Variants in KCTD9 observed in about 807,000 individuals in gnomAD.
KCTD9 encodes potassium channel tetramerization domain containing 9.
Under a neutral mutation model 53.3 loss-of-function variants are expected in KCTD9, and 17 were observed. The observed-to-expected ratio is 0.32, with a 90% confidence interval of 0.22 to 0.48. The LOEUF (loss-of-function observed/expected upper bound fraction) is 0.48, where lower values mean the gene tolerates loss of function less well. Among genes scored for constraint, KCTD9 ranks in the 20% least tolerant of loss-of-function variants. The probability of loss-of-function intolerance (pLI) is 0.99; values close to 1 mark genes in which losing one functional copy is unlikely to be tolerated. For missense variants in KCTD9, 179 were observed against 465.5 expected, an observed-to-expected ratio of 0.38 and a Z score of 5.66; for synonymous variants, 128 against 162.7, an observed-to-expected ratio of 0.79 and a Z score of 1.62.
intron 2 of KCTD9, among the ~76,000 whole-genome samples, 172 bp from the exon 3 acceptor site, chr8:25,444,507 G>A (rs1157275569): frequency 6.6e-6 from 1 of 152,018 alleles, no homozygotes; most frequent in Non-Finnish European, 1.5e-5. Context: ...GAACTTAACT[G>A]TCTTTGAATT....
At chr8:25,451,164 T>A (rs1225751067) in intron 1 of KCTD9, among the ~76,000 whole-genome samples, 5 of 152,224 alleles carry the variant, frequency 3.3e-5, no homozygotes. Flanking sequence ...AAAGGAGTTA[T>A]GTTGCAATAC....
intron 9 of KCTD9, among the ~76,000 whole-genome samples, 189 bp downstream of exon 9, chr8:25,435,174 G>T (rs1801995455): frequency 6.6e-6 from 1 of 152,110 alleles, no homozygotes; most frequent in South Asian, 2.1e-4. Context: ...TTTAATAAAG[G>T]ATATCAAACC....
At chr8:25,440,849 TCC>T (rs763048884) in intron 3 of KCTD9, among the ~76,000 whole-genome samples, 176 bp from the exon 4 acceptor site, 20 of 152,314 alleles carry the variant, frequency 1.3e-4, no homozygotes, top group Non-Finnish European at 2.5e-4. Flanking sequence ...GATAAGGTAG[TCC>T]CACCAATACC....
At chr8:25,435,557 T>C in intron 8 of KCTD9, 45 bp from the exon 9 acceptor site, 1 of 1,540,368 alleles carries the variant, frequency 6.5e-7, no homozygotes, top group Non-Finnish European at 8.7e-7. Flanking sequence ...AAATCGTCTG[T>C]TTGTATTAAA....
In KCTD9 at chr8:25,458,393, C is replaced by A; in HGVS notation, c.-147G>T. 4 of 850,072 alleles carry A rather than the reference C, an allele frequency of 4.7e-6. No individual in the cohort carries two copies. Among genetic ancestry groups the A allele is most frequent in the Non-Finnish European group, 7.6e-6 (4 of 523,600 alleles). 52.7% of individuals were successfully genotyped at this position (850,072 alleles called of 1,614,324 possible). A position where few individuals can be genotyped will look rare whatever the true frequency, so the allele number is the denominator to read the frequency against. On this transcript the variant is annotated 5_prime_UTR_variant, in exon 1 of 12. Transcript: ENST00000221200. ...TTCCTGCCCTTGGGGACACACCACA[C>A]GCACGCACTCTGTCCCACACCCAAG...
intron 6 of KCTD9, among the ~76,000 whole-genome samples, chr8:25,437,819 G>T (rs538184272): frequency 1.7e-5 from 2 of 120,798 alleles, no homozygotes; most frequent in South Asian, 2.8e-4. Context: ...TTGCACTCCA[G>T]CCTGGGTGAC....
intron 6 of KCTD9, among the ~76,000 whole-genome samples, chr8:25,437,912 C>T (rs1256046343): frequency 1.4e-5 from 2 of 142,610 alleles, no homozygotes; most frequent in Non-Finnish European, 3.0e-5. Flanking sequence ...CTGCCACTCA[C>T]TACTTTTTGG....
intron 6 of KCTD9, 55 bp from the exon 7 acceptor site, chr8:25,436,540 CATTTTGAATTT>C: frequency 5.7e-6 from 6 of 1,058,844 alleles, no homozygotes; most frequent in Non-Finnish European, 8.3e-6. Flanking sequence ...GTATTACATT[CATTTTGAATTT>C]ACTAAAATAC....
chr8:25,448,178 AAAAGG>A (rs1197827708), intron 1 of KCTD9, among the ~76,000 whole-genome samples: 1 of 151,510 alleles, frequency 6.6e-6, no homozygotes, highest in African/African-American at 2.4e-5. Flanking sequence ...AGAATAAAGA[AAAAGG>A]AAAGGAAAGC....
chr8:25,436,709 T>C (rs1463333804), intron 6 of KCTD9, among the ~76,000 whole-genome samples: 1 of 152,216 alleles, frequency 6.6e-6, no homozygotes, highest in Admixed American at 6.5e-5. Flanking sequence ...AAAAGTATAA[T>C]TCAGAAATCT....
intron 9 of KCTD9, 101 bp from the exon 10 acceptor site, chr8:25,433,536 A>C: frequency 2.1e-6 from 1 of 484,388 alleles, no homozygotes; most frequent in Non-Finnish European, 3.7e-6. Context: ...GAAAGGCTCA[A>C]CTCAAAACAC....
chr8:25,457,137 T>C (rs147804247), intron 1 of KCTD9, among the ~76,000 whole-genome samples: 1 of 152,292 alleles, frequency 6.6e-6, no homozygotes, highest in African/African-American at 2.4e-5. Context: ...CAAACCACAC[T>C]CTGGTTCGAA....
chr8:25,455,784 G>T (rs771295053), intron 1 of KCTD9, among the ~76,000 whole-genome samples: 1 of 152,178 alleles, frequency 6.6e-6, no homozygotes, highest in Admixed American at 6.5e-5. Flanking sequence ...TGTGAAGGCC[G>T]TCCCTTCTTA....
chr8:25,442,116 A>C (rs1210027583), intron 3 of KCTD9, among the ~76,000 whole-genome samples: 1 of 152,256 alleles, frequency 6.6e-6, no homozygotes, highest in Non-Finnish European at 1.5e-5. Context: ...ATCAAATCAA[A>C]GTGAACAAAA....
intron 1 of KCTD9, among the ~76,000 whole-genome samples, chr8:25,449,942 T>G (rs1291332568): frequency 6.6e-6 from 1 of 152,202 alleles, no homozygotes; most frequent in African/African-American, 2.4e-5. Flanking sequence ...TTGTTTTATT[T>G]AGAGGGTTGG....
At position 25,429,743 on chromosome 8, in the gene KCTD9, T is replaced by C; in HGVS notation, c.*114A>G. The C allele has an allele frequency of 5.9e-6, 4 of 677,478 alleles. No homozygotes were observed. The highest frequency in any genetic ancestry group is 1.1e-5 in the Non-Finnish European group (4 of 373,764). 42.0% of individuals were successfully genotyped at this position (677,478 alleles called of 1,614,324 possible). A position where few individuals can be genotyped will look rare whatever the true frequency, so the allele number is the denominator to read the frequency against. ...ACAAGCATAATCCTCTAAATGTTTT[T>C]TTTTTAAATTTCCTTACAGTGTTAT... On this transcript the variant is annotated 3_prime_UTR_variant, in exon 12 of 12. Transcript: ENST00000221200.
Position 25,457,188 on chromosome 8 carries a change from C to G in KCTD9, c.48+1011G>C, listed in dbSNP as rs139618175. ...TACTCTACACTGAATAATCGGAAAGCCATTTTTAATGCCACTGGACAATTT... is the reference window on the plus strand; with the variant it reads ...TACTCTACACTGAATAATCGGAAAGGCATTTTTAATGCCACTGGACAATTT... On this transcript the variant is annotated intron_variant, in intron 1 of 11. Coordinates refer to ENST00000221200, the MANE Select transcript of KCTD9 (RefSeq NM_017634.4). The G allele has an allele frequency of 8.6e-3, 1,554 of 180,802 alleles. 11 individuals are homozygous for G. Among genetic ancestry groups the G allele is most frequent in the Non-Finnish European group, 0.014 (1,286 of 94,102 alleles). 11.2% of individuals were successfully genotyped at this position (180,802 alleles called of 1,614,324 possible).
At chr8:25,440,788 C>A in intron 3 of KCTD9, 115 bp from the exon 4 acceptor site, 1 of 714,204 alleles carries the variant, frequency 1.4e-6, no homozygotes, top group South Asian at 1.7e-5. Flanking sequence ...ACCAGAGCTA[C>A]TAGGACAGCA....
At chr8:25,434,859 A>G (rs1006805591) in intron 9 of KCTD9, among the ~76,000 whole-genome samples, 3 of 152,216 alleles carry the variant, frequency 2.0e-5, no homozygotes, top group Admixed American at 1.3e-4. Flanking sequence ...TTATAAATAC[A>G]TACATATACA....
Sources: allele counts gnomAD v4.1 joint callset (sites outside exome capture counted in the v4.1 genomes callset), GRCh38; gene constraint gnomAD v4.1.1; transcripts MANE v1.5; gene names NCBI Gene and HGNC (gene_info 2026-07-23, HGNC 2026-07-21).